The following SPATA21 variants were observed in gnomAD, a reference collection of about 807,000 sequenced individuals.
SPATA21 encodes the protein spermatogenesis-associated protein 21.
SPATA21 carries 47 observed loss-of-function variants against 54.8 expected under a neutral mutation model. The observed-to-expected ratio is 0.86, with a 90% CI of 0.68 to 1.09. The LOEUF (loss-of-function observed/expected upper bound fraction) is 1.09, where lower values mean the gene tolerates loss of function less well. Among genes scored for constraint, SPATA21 ranks in the 50% least tolerant of loss-of-function variants. The probability of loss-of-function intolerance (pLI) is 0.00; values close to 1 mark genes in which losing one functional copy is unlikely to be tolerated. For missense variants in SPATA21, 599 were observed against 596.4 expected, an observed-to-expected ratio of 1.00 and a Z score of -0.05; for synonymous variants, 245 against 235.3, an observed-to-expected ratio of 1.04 and a Z score of -0.38.
intron 5 of SPATA21, among the ~76,000 whole-genome samples, chr1:16,420,057 G>C (rs1222084254): frequency 6.6e-6 from 1 of 152,106 alleles, no homozygotes; most frequent in Non-Finnish European, 1.5e-5. Flanking sequence ...GAGCCCCGAG[G>C]GTGGAGAAGA....
chr1:16,410,188 AC>A, intron 5 of SPATA21, 145 bp from the exon 6 acceptor site: 1 of 643,634 alleles, frequency 1.6e-6, no homozygotes, highest in Non-Finnish European at 2.6e-6. Flanking sequence ...TCTCACATGC[AC>A]CCCACTGTGC....
chr1:16,420,361 G>A (rs908209897), intron 5 of SPATA21, among the ~76,000 whole-genome samples: 1 of 151,944 alleles, frequency 6.6e-6, no homozygotes, highest in Non-Finnish European at 1.5e-5. Context: ...GGGGAGCAAG[G>A]AAAGACGGCT....
intron 7 of SPATA21, among the ~76,000 whole-genome samples, chr1:16,408,183 G>C (rs1364223902): frequency 6.6e-6 from 1 of 152,208 alleles, no homozygotes. Flanking sequence ...AGGGTTGCAG[G>C]CTTTGGAGAG....
At chr1:16,403,483 C>CTTTTTCT (rs2085517813) in intron 10 of SPATA21, among the ~76,000 whole-genome samples, 16 of 117,178 alleles carry the variant, frequency 1.4e-4, no homozygotes, top group African/African-American at 4.7e-4. Flanking sequence ...TAGTTTTTTT[C>CTTTTTCT]TTTTTTTTCT....
At chr1:16,419,196 A>C (rs931080442) in intron 5 of SPATA21, among the ~76,000 whole-genome samples, 20 of 152,310 alleles carry the variant, frequency 1.3e-4, no homozygotes, top group African/African-American at 4.8e-4. Flanking sequence ...ATGACTCAAG[A>C]GAGCCGTAAG....
intron 5 of SPATA21, among the ~76,000 whole-genome samples, chr1:16,415,838 G>A (rs1222648198): frequency 1.3e-4 from 20 of 152,106 alleles, no homozygotes; most frequent in African/African-American, 2.7e-4. Context: ...GATTACAGGC[G>A]TGAGCCACCA....
intron 5 of SPATA21, among the ~76,000 whole-genome samples, chr1:16,418,165 C>T (rs1223496021): frequency 2.6e-5 from 4 of 152,240 alleles, no homozygotes; most frequent in Non-Finnish European, 5.9e-5. Context: ...TGTGCCCTCT[C>T]CTCTTCTCCC....
chr1:16,433,874 AG>A (rs1389912249), intron 1 of SPATA21, among the ~76,000 whole-genome samples: 1 of 152,182 alleles, frequency 6.6e-6, no homozygotes, highest in African/African-American at 2.4e-5. Context: ...CATACCATAC[AG>A]TTCACCCATT....
At chr1:16,430,292 G>A (rs1320188911) in intron 3 of SPATA21, among the ~76,000 whole-genome samples, 1 of 151,816 alleles carries the variant, frequency 6.6e-6, no homozygotes, top group African/African-American at 2.4e-5. Flanking sequence ...GTTGGGTATG[G>A]TGGCACAAGC....
At chr1:16,424,389 C>A (rs2100874185) in intron 3 of SPATA21, among the ~76,000 whole-genome samples, 1 of 148,684 alleles carries the variant, frequency 6.7e-6, no homozygotes, top group South Asian at 2.1e-4. Flanking sequence ...TATACTCTAA[C>A]CATATCTTTT....
Position 16,409,887 on chromosome 1 carries a change from T to C in SPATA21, c.301A>G (p.Arg101Gly). 1 of 1,613,172 alleles carries C rather than the reference T, an allele frequency of 6.2e-7. No homozygotes were observed. The highest frequency in any genetic ancestry group is 8.5e-7 in the Non-Finnish European group (1 of 1,179,550). ...GTCTGGGACCGGGCCTTCGAGGCTC[T>C]CCGATGGGAGGCCTCCATTTTCTCC... ...EVEKMEASHR[R>G]ASKARSQTAQ... The change falls in exon 6 of 13, where the codon AGA (arginine) becomes GGA (glycine). Residue 101 changes from arginine to glycine, a missense_variant. By Grantham distance (125) the Arg-to-Gly change is moderately radical. Transcript: ENST00000335496. This position sits in a 1 kb window ranked among gnomAD's most constrained non-coding sequence, Gnocchi z 4.1.
At chr1:16,431,838 G>T (rs748248724) in intron 2 of SPATA21, among the ~76,000 whole-genome samples, 1 of 152,184 alleles carries the variant, frequency 6.6e-6, no homozygotes. Context: ...GTGCTGTGAT[G>T]AGCGAAATGA....
Position 16,409,588 on chromosome 1 carries a change from C to T in SPATA21, c.587+13G>A, listed in dbSNP as rs750066983. On this transcript the variant is annotated intron_variant, in intron 6 of 12. Transcript: ENST00000335496. This position sits in a 1 kb window ranked among gnomAD's most constrained non-coding sequence, Gnocchi z 4.1. ...CTTTCAGGAGCGGGCGGGTGAGCAG[C>T]GGGGGCTCCTACCGCGCCTTGGCGT... The T allele has an allele frequency of 5.6e-6, 9 of 1,604,136 alleles. No homozygotes were observed. The highest frequency in any genetic ancestry group is 3.3e-5 in the South Asian group (3 of 89,780).
At chr1:16,400,643 T>G in intron 11 of SPATA21, 77 bp downstream of exon 11, 1 of 1,517,812 alleles carries the variant, frequency 6.6e-7, no homozygotes, top group Non-Finnish European at 8.8e-7. Flanking sequence ...TGCCTGAGGG[T>G]CCAAGGAAAG....
intron 3 of SPATA21, 61 bp downstream of exon 3, chr1:16,431,277 G>A: frequency 3.1e-6 from 5 of 1,614,020 alleles, no homozygotes; most frequent in Middle Eastern, 1.6e-4. Context: ...CTCAACACCA[G>A]CCCTCTTTAT....
chr1:16,397,516 C>T (rs1469846489), downstream of SPATA21: 1 of 151,830 alleles, frequency 6.6e-6, no homozygotes, highest in African/African-American at 2.4e-5. The surrounding 1 kb of genome is among the most constrained non-coding windows in gnomAD (Gnocchi z 5.4). Flanking sequence ...CTTGGAAAAC[C>T]CCAGGGGGAT....
In SPATA21 at chr1:16,405,173, A is replaced by C. The variant is rs1570106298; in HGVS notation, c.674-69T>G. 5 of 1,543,138 alleles carry C rather than the reference A, an allele frequency of 3.2e-6. No individual in the cohort carries two copies. In the African/African-American group the frequency reaches 4.2e-5, roughly 13 times the overall value. Reference sequence around the variant, plus strand: ...TTCTGTCATTCATCCCATTACCCCAACCACCCTCCTGCCAGCCTCCTCCAC... The same window carrying C: ...TTCTGTCATTCATCCCATTACCCCACCCACCCTCCTGCCAGCCTCCTCCAC... On this transcript the variant is annotated intron_variant, in intron 7 of 12. Transcript: ENST00000335496.
rs2085766037 is a variant in SPATA21 at position 16,409,640 on chromosome 1, T to C, written c.548A>G (p.His183Arg). ...DLGWRRMELL[H>R]QSSERTLSYA... ...GCTCAGGGTTCTCTCGCTGCTCTGG[T>C]GCAAGAGTTCCATCCTTCTCCAGCC... The change falls in exon 6 of 13, where the codon CAC (histidine) becomes CGC (arginine). Residue 183 changes from histidine to arginine, a missense_variant. Transcript: ENST00000335496. This position sits in a 1 kb window ranked among gnomAD's most constrained non-coding sequence, Gnocchi z 4.1. 6.2e-7 allele frequency: 1 copy of C among 1,612,900 alleles called. No homozygotes were observed. The highest frequency in any genetic ancestry group is 1.7e-5 in the Admixed American group (1 of 60,002).
At chr1:16,401,950 C>T (rs537516094) in intron 10 of SPATA21, among the ~76,000 whole-genome samples, 2 of 152,336 alleles carry the variant, frequency 1.3e-5, no homozygotes, top group African/African-American at 4.8e-5. Context: ...GACATCCACA[C>T]AGGGTCCCTG....
Sources: gnomAD v4.1 joint callset for allele counts (sites outside exome capture counted in the v4.1 genomes callset) on GRCh38, gnomAD v4.1.1 for gene constraint, Gnocchi (gnomAD v3.1) non-coding constraint, MANE v1.5 for transcripts, NCBI Gene and HGNC (gene_info 2026-07-23, HGNC 2026-07-21) for gene names.